Variants in SLC2A13 observed in about 807,000 individuals in gnomAD.
SLC2A13 encodes solute carrier family 2 member 13, also known as proton myo-inositol cotransporter.
A neutral mutation model predicts 64.4 loss-of-function variants in SLC2A13; 32 were observed. That is an observed-to-expected ratio of 0.50 (90% CI 0.37 to 0.67). The LOEUF is 0.67. Ranked by LOEUF, SLC2A13 falls within the 30% of genes least tolerant of loss-of-function variation. The pLI, the probability that SLC2A13 is intolerant of heterozygous loss-of-function variation, is 0.00. For synonymous variants in SLC2A13, 338 were observed against 327.1 expected (o/e 1.03, Z -0.36); for missense variants, 743 against 829.2 (o/e 0.90, Z 1.28).
chr12:39,917,251 T>C (rs1200331206), intron 4 of SLC2A13, among the ~76,000 whole-genome samples: 1 of 151,958 alleles, frequency 6.6e-6, no homozygotes, highest in Non-Finnish European at 1.5e-5. Context: ...ATAGTGTTCT[T>C]ACAAGTTAGC....
chr12:39,814,637 A>G (rs924860489), intron 7 of SLC2A13, among the ~76,000 whole-genome samples: 1 of 152,208 alleles, frequency 6.6e-6, no homozygotes, highest in African/African-American at 2.4e-5. Context: ...AGAGAGGAAA[A>G]ACATAAATTG....
chr12:40,093,246 G>C (rs1938826181), intron 1 of SLC2A13, among the ~76,000 whole-genome samples: 1 of 152,182 alleles, frequency 6.6e-6, no homozygotes, highest in Admixed American at 6.5e-5. Context: ...CCATAGAGTA[G>C]TGTCAGAAGC....
intron 7 of SLC2A13, among the ~76,000 whole-genome samples, chr12:39,774,868 A>G (rs1287346764): frequency 6.6e-6 from 1 of 152,174 alleles, no homozygotes; most frequent in African/African-American, 2.4e-5. Flanking sequence ...AAATAGATGG[A>G]TGGAGTATGG....
intron 4 of SLC2A13, among the ~76,000 whole-genome samples, chr12:39,905,441 C>A (rs1420591453): frequency 6.6e-6 from 1 of 152,236 alleles, no homozygotes; most frequent in South Asian, 2.1e-4. Context: ...AAACTCCAGG[C>A]TGAATGTATC....
chr12:39,962,911 C>A (rs545385), intron 3 of SLC2A13, among the ~76,000 whole-genome samples: 8,719 of 152,210 alleles, frequency 0.057, 382 homozygotes, highest in Middle Eastern at 0.14. Context: ...AGAAATATAT[C>A]CCACATTAAT....
chr12:39,946,750 C>A (rs976061126), intron 4 of SLC2A13, among the ~76,000 whole-genome samples: 2 of 152,144 alleles, frequency 1.3e-5, no homozygotes, highest in African/African-American at 4.8e-5. Flanking sequence ...AGGCGGAGGG[C>A]GAGATGGGCT....
intron 7 of SLC2A13, among the ~76,000 whole-genome samples, chr12:39,822,473 C>A (rs1303672765): frequency 6.6e-6 from 1 of 152,182 alleles, no homozygotes; most frequent in African/African-American, 2.4e-5. Flanking sequence ...TTGGCACCAG[C>A]CACGCATTTT....
intron 6 of SLC2A13, among the ~76,000 whole-genome samples, chr12:39,856,618 C>T (rs556055369): frequency 1.8e-3 from 268 of 152,288 alleles, no homozygotes; most frequent in Non-Finnish European, 2.4e-3. Flanking sequence ...TTGCCCACCT[C>T]GGCCTCCCAA....
intron 3 of SLC2A13, among the ~76,000 whole-genome samples, chr12:39,980,644 C>A (rs936245815): frequency 6.7e-6 from 1 of 149,760 alleles, no homozygotes; most frequent in African/African-American, 2.4e-5. Context: ...TATATATGCA[C>A]CCAATACAGG....
At position 39,956,711 on chromosome 12, in the gene SLC2A13, C is replaced by A. The variant is rs7138078; in HGVS notation, c.926-5346G>T. ...TGCCAATGATGAAGCCCCCTTAACA[C>A]CTCTTCAAGGTTTTTCTTGCTCTTA... On this transcript the variant is annotated intron_variant, in intron 3 of 9. Transcript: ENST00000280871. Among the ~76,000 whole-genome samples the A allele has an allele frequency of 8.5e-5, 13 of 152,172 alleles. No individual in the cohort carries two copies. The East Asian group carries it at 1.9e-3, about 23-fold the overall frequency.
At chr12:39,897,465 T>C (rs995786698) in intron 4 of SLC2A13, among the ~76,000 whole-genome samples, 2 of 152,188 alleles carry the variant, frequency 1.3e-5, no homozygotes, top group African/African-American at 4.8e-5. Context: ...GATGTTTCAA[T>C]GTTTCTACAG....
chr12:39,895,798 A>G (rs1169922332), intron 4 of SLC2A13, among the ~76,000 whole-genome samples: 2 of 80,540 alleles, frequency 2.5e-5, no homozygotes, highest in African/African-American at 5.1e-5. Flanking sequence ...ACACACATGT[A>G]TATGCGTGTA....
chr12:39,806,818 A>G (rs1251954999), intron 7 of SLC2A13, among the ~76,000 whole-genome samples: 1 of 152,180 alleles, frequency 6.6e-6, no homozygotes, highest in Non-Finnish European at 1.5e-5. Context: ...TTAAAATTGG[A>G]AACAACCCAT....
intron 2 of SLC2A13, among the ~76,000 whole-genome samples, chr12:40,046,092 G>A (rs754531002): frequency 3.3e-5 from 5 of 152,112 alleles, no homozygotes; most frequent in Non-Finnish European, 7.4e-5. Flanking sequence ...CAAGTGCTAC[G>A]CTAAACACTT....
intron 4 of SLC2A13, among the ~76,000 whole-genome samples, chr12:39,882,145 C>T (rs1021732516): frequency 3.3e-5 from 5 of 152,166 alleles, no homozygotes; most frequent in Admixed American, 3.3e-4. Flanking sequence ...CCCTTACCCA[C>T]AATAATACTT....
At chr12:39,842,062 T>C (rs1218023121) in intron 6 of SLC2A13, among the ~76,000 whole-genome samples, 1 of 152,094 alleles carries the variant, frequency 6.6e-6, no homozygotes, top group Non-Finnish European at 1.5e-5. Flanking sequence ...TTTACAGAGG[T>C]TCAACTACCT....
rs142680671 is a variant in SLC2A13, at chr12:39,783,027, C to G, written c.1446-18169G>C. Among the ~76,000 whole-genome samples the G allele has an allele frequency of 3.4e-3, 520 of 152,276 alleles. 8 individuals are homozygous for G. The highest frequency in any genetic ancestry group is 0.012 in the African/African-American group (504 of 41,552). On this transcript the variant is annotated intron_variant, in intron 7 of 9. Coordinates refer to ENST00000280871, the MANE Select transcript of SLC2A13 (RefSeq NM_052885.4). ...TAATGCTATCCCTCCCCGCTCCCCC[C>G]ACCCCACGACAGGCCCTGGTGTGTG... is the stretch of plus-strand genomic sequence containing the variant.
intron 7 of SLC2A13, among the ~76,000 whole-genome samples, chr12:39,816,396 C>A (rs1427457639): frequency 7.8e-6 from 1 of 127,704 alleles, no homozygotes; most frequent in South Asian, 2.4e-4. Flanking sequence ...CACTTGGACA[C>A]AGGAAGGGGA....
chr12:39,872,427 C>T (rs896947862), intron 4 of SLC2A13, among the ~76,000 whole-genome samples: 10 of 152,078 alleles, frequency 6.6e-5, no homozygotes, highest in East Asian at 1.9e-4. Flanking sequence ...AGTGAAGGAA[C>T]GCCTCAAAAA....
Sources: allele counts gnomAD v4.1 joint callset (sites outside exome capture counted in the v4.1 genomes callset), GRCh38; gene constraint gnomAD v4.1.1; transcripts MANE v1.5; gene names NCBI Gene and HGNC (gene_info 2026-07-23, HGNC 2026-07-21).